Variants in RCAN2 observed in about 807,000 individuals in gnomAD.
RCAN2 encodes calcipressin-2.
A neutral mutation model predicts 23.6 loss-of-function variants in RCAN2; 9 were observed. The ratio of observed to expected loss-of-function variants is 0.38; its 90% confidence interval spans 0.23 to 0.67. The LOEUF (loss-of-function observed/expected upper bound fraction) is 0.67, where lower values mean the gene tolerates loss of function less well. Ranked by LOEUF, RCAN2 falls within the 30% of genes least tolerant of loss-of-function variation. The pLI is 0.51. For synonymous variants in RCAN2, 109 were observed against 115.7 expected (o/e 0.94, Z 0.37); for missense variants, 273 against 302.3 (o/e 0.90, Z 0.72).
At position 46,398,594 on chromosome 6, in the gene RCAN2, C is replaced by T. The variant is rs182159883; in HGVS notation, c.225+58158G>A. On this transcript the variant is annotated intron_variant, in intron 2 of 4. Transcript: ENST00000371374. Reference sequence around the variant, plus strand: ...TTATGGCTGCGAGTTTAACAAGCCCCACTGTCCTAATTCTCACAGACCAAT... The same window carrying T: ...TTATGGCTGCGAGTTTAACAAGCCCTACTGTCCTAATTCTCACAGACCAAT... Among the ~76,000 whole-genome samples the T allele has an allele frequency of 6.4e-3, 972 of 152,232 alleles. 12 individuals are homozygous for T. Among genetic ancestry groups the T allele is most frequent in the African/African-American group, 0.023 (942 of 41,528 alleles).
At position 46,223,156 on chromosome 6, in the gene RCAN2, G is replaced by A. The variant is rs780282088; in HGVS notation, c.717C>T (p.Pro239=). The A allele has an allele frequency of 3.7e-6, 6 of 1,613,326 alleles. No homozygotes were observed. The African/African-American group carries it at 8.0e-5, about 22-fold the overall frequency. The change falls in exon 5 of 5, where the codon CCC becomes CCT. Residue 239 remains proline, a synonymous_variant. Transcript: ENST00000371374. ...AGCAGGCAGCTCAGTTGGACACGGA[G>A]GGTGGCAGGCCAGGACGCCGAGTTT... ...IIQTRRPGLP[P]SVSN
rs960633214 is a variant in RCAN2, at chr6:46,491,169, C to T, written c.-3+4G>A. ...AGCCTGGCCGGCGCGGTTACATAAC[C>T]GACCTGCTGGGCGTCCGCGATGCGC... is the stretch of plus-strand genomic sequence containing the variant. On this transcript the variant is annotated splice_donor_region_variant and intron_variant, in intron 1 of 4. Transcript: ENST00000371374. The T allele has an allele frequency of 1.3e-5, 2 of 151,776 alleles. No individual in the cohort carries two copies. Among genetic ancestry groups the T allele is most frequent in the African/African-American group, 4.8e-5 (2 of 41,318 alleles). The allele number at this position is 151,776 out of a possible 1,614,324, so 9.4% of individuals were successfully genotyped here.
intron 2 of RCAN2, among the ~76,000 whole-genome samples, chr6:46,387,187 C>T (rs1765779918): frequency 6.6e-6 from 1 of 152,144 alleles, no homozygotes; most frequent in South Asian, 2.1e-4. Flanking sequence ...AGGACACAGG[C>T]ATGGGCAAGG....
At chr6:46,234,274 C>G (rs1239557850) in intron 4 of RCAN2, among the ~76,000 whole-genome samples, 2 of 152,180 alleles carry the variant, frequency 1.3e-5, no homozygotes, top group Admixed American at 6.5e-5. Flanking sequence ...TTCTTACTAT[C>G]GAAAGCCAGC....
rs985835889 is a variant in RCAN2 at position 46,221,890 on chromosome 6, G to T, written c.*1251C>A. Reference sequence around the variant, plus strand: ...TAATGCACTTTGGGCTAGAGAAATAGAAAAATCACACGTAACAAAAACAAA... The same window carrying T: ...TAATGCACTTTGGGCTAGAGAAATATAAAAATCACACGTAACAAAAACAAA... On this transcript the variant is annotated 3_prime_UTR_variant, in exon 5 of 5. Transcript: ENST00000371374. 2 of 398,448 alleles carry T rather than the reference G, an allele frequency of 5.0e-6. No individual in the cohort carries two copies. The highest frequency in any genetic ancestry group is 8.9e-6 in the Non-Finnish European group (2 of 225,928). The allele number at this position is 398,448 out of a possible 1,614,324, so 24.7% of individuals were successfully genotyped here.
chr6:46,300,001 T>G (rs1023280121), intron 2 of RCAN2, among the ~76,000 whole-genome samples: 1 of 151,888 alleles, frequency 6.6e-6, no homozygotes, highest in Non-Finnish European at 1.5e-5. Context: ...TTATTAAAAG[T>G]ATATATAGTA....
chr6:46,466,454 G>A (rs1768387943), intron 1 of RCAN2, among the ~76,000 whole-genome samples: 1 of 152,116 alleles, frequency 6.6e-6, no homozygotes, highest in African/African-American at 2.4e-5. Flanking sequence ...GGACTCACTA[G>A]AAGTCCAAGG....
At chr6:46,382,358 C>T (rs1366413373) in intron 2 of RCAN2, among the ~76,000 whole-genome samples, 4 of 152,174 alleles carry the variant, frequency 2.6e-5, no homozygotes, top group Non-Finnish European at 5.9e-5. Context: ...GCTCATCTTC[C>T]AGCTACTCTG....
At chr6:46,239,295 G>A (rs1284197250) in intron 4 of RCAN2, among the ~76,000 whole-genome samples, 2 of 152,216 alleles carry the variant, frequency 1.3e-5, no homozygotes, top group Non-Finnish European at 2.9e-5. Context: ...CTAAGTGGAA[G>A]TGGAAAGAGG....
At chr6:46,308,490 G>A (rs753555459) in intron 2 of RCAN2, among the ~76,000 whole-genome samples, 1 of 152,148 alleles carries the variant, frequency 6.6e-6, no homozygotes, top group Non-Finnish European at 1.5e-5. Flanking sequence ...GTGCTTTTGA[G>A]CACAGTCTAG....
chr6:46,343,439 A>G (rs961510990), intron 2 of RCAN2, among the ~76,000 whole-genome samples: 2 of 144,600 alleles, frequency 1.4e-5, no homozygotes, highest in Non-Finnish European at 3.0e-5. Flanking sequence ...GCAGTGGCGC[A>G]ATCTCAGCTC....
intron 2 of RCAN2, among the ~76,000 whole-genome samples, chr6:46,443,032 C>T (rs1767599029): frequency 6.6e-6 from 1 of 152,052 alleles, no homozygotes; most frequent in South Asian, 2.1e-4. Flanking sequence ...GGAAAAAAAA[C>T]AAAACAAAAC....
chr6:46,483,031 G>T (rs983981516), intron 1 of RCAN2, among the ~76,000 whole-genome samples: 1 of 152,124 alleles, frequency 6.6e-6, no homozygotes, highest in Admixed American at 6.5e-5. Context: ...GGCTTCCTGG[G>T]AGCTGTCTGG....
intron 2 of RCAN2, among the ~76,000 whole-genome samples, chr6:46,289,629 G>A (rs1006746092): frequency 7.9e-5 from 12 of 152,180 alleles, no homozygotes; most frequent in Admixed American, 7.2e-4. Context: ...AGTTTAGGAA[G>A]AGTAGAAAAA....
At chr6:46,475,434 T>A (rs1428928690) in intron 1 of RCAN2, among the ~76,000 whole-genome samples, 1 of 152,100 alleles carries the variant, frequency 6.6e-6, no homozygotes, top group African/African-American at 2.4e-5. Flanking sequence ...ATTGTAGAAA[T>A]GAGATATGAG....
chr6:46,233,736 TTTTCTTGAGATGGTG>T (rs1765988954), intron 4 of RCAN2, among the ~76,000 whole-genome samples: 1 of 151,576 alleles, frequency 6.6e-6, no homozygotes, highest in African/African-American at 2.4e-5. Flanking sequence ...TTTTTTTTTT[TTTTCTTGAGATGGTG>T]TTTTGCTCTT....
At chr6:46,327,791 C>T (rs549804952) in intron 2 of RCAN2, among the ~76,000 whole-genome samples, 2 of 152,300 alleles carry the variant, frequency 1.3e-5, no homozygotes, top group African/African-American at 4.8e-5. Flanking sequence ...TAAATATGCT[C>T]ATCATGGCTG....
chr6:46,437,773 C>T (rs1353394548), intron 2 of RCAN2, among the ~76,000 whole-genome samples: 2 of 152,110 alleles, frequency 1.3e-5, no homozygotes, highest in Non-Finnish European at 2.9e-5. Flanking sequence ...CTGTAGAGTC[C>T]AGACACAGGG....
intron 1 of RCAN2, among the ~76,000 whole-genome samples, chr6:46,475,238 G>C (rs1768680744): frequency 6.6e-6 from 1 of 152,136 alleles, no homozygotes; most frequent in African/African-American, 2.4e-5. Context: ...GCCATCCTCT[G>C]CTTCAACAGC....
Sources: gnomAD v4.1 joint callset for allele counts (sites outside exome capture counted in the v4.1 genomes callset) on GRCh38, gnomAD v4.1.1 for gene constraint, MANE v1.5 for transcripts, NCBI Gene and HGNC (gene_info 2026-07-23, HGNC 2026-07-21) for gene names.